The following TIAM2 variants were observed in gnomAD, a reference collection of about 807,000 sequenced individuals.
TIAM2 encodes the protein rho guanine nucleotide exchange factor TIAM2.
Under a neutral mutation model 152.9 loss-of-function variants are expected in TIAM2, and 80 were observed. The ratio of observed to expected loss-of-function variants is 0.52; its 90% CI spans 0.44 to 0.63. The LOEUF is 0.63. TIAM2 is among the 30% of genes least tolerant of loss of function. The pLI is 0.00. For missense variants in TIAM2, 1,965 were observed against 2,120.1 expected, an observed-to-expected ratio of 0.93 and a Z score of 1.44; for synonymous variants, 804 against 838.0, an observed-to-expected ratio of 0.96 and a Z score of 0.70.
Position 155,257,377 on chromosome 6 carries a change from C to A in TIAM2, c.*256C>A, listed in dbSNP as rs1784129538. ...GAGCAGGTATCAAATGATTTAGGAT[C>A]CTTAAAATTACATTCTAATAATTAA... On this transcript the variant is annotated 3_prime_UTR_variant, in exon 27 of 27. Transcript: ENST00000682666. 2.3e-6 allele frequency: 1 copy of A among 438,740 alleles called. No individual in the cohort carries two copies. Among genetic ancestry groups the A allele is most frequent in the Non-Finnish European group, 4.0e-6 (1 of 249,900 alleles). The allele number at this position is 438,740 out of a possible 1,614,324, so 27.2% of individuals were successfully genotyped here.
intron 19 of TIAM2, among the ~76,000 whole-genome samples, chr6:155,247,619 C>T (rs866165539): frequency 2.0e-5 from 3 of 152,252 alleles, no homozygotes; most frequent in South Asian, 2.1e-4. Context: ...TGAGCCACCG[C>T]ACCTGGCCAC....
At chr6:155,157,395 G>A (rs763220989) in intron 7 of TIAM2, among the ~76,000 whole-genome samples, 7 of 151,566 alleles carry the variant, frequency 4.6e-5, no homozygotes, top group Non-Finnish European at 8.8e-5. Flanking sequence ...TATAGCACCC[G>A]TTTGTTGGAT....
chr6:155,191,449 A>T (rs1171958517), intron 14 of TIAM2, among the ~76,000 whole-genome samples: 1 of 152,172 alleles, frequency 6.6e-6, no homozygotes, highest in Non-Finnish European at 1.5e-5. Flanking sequence ...TCCAGAGGTC[A>T]TCATTGTTCT....
chr6:155,232,369 G>A (rs1782515374), intron 15 of TIAM2, among the ~76,000 whole-genome samples: 1 of 152,176 alleles, frequency 6.6e-6, no homozygotes, highest in East Asian at 1.9e-4. Flanking sequence ...TTATTTAGTA[G>A]TGCAGCCTCC....
At chr6:155,146,242 A>T (rs1410259293) in intron 6 of TIAM2, among the ~76,000 whole-genome samples, 1 of 152,092 alleles carries the variant, frequency 6.6e-6, no homozygotes, top group African/African-American at 2.4e-5. Context: ...TTAGCCAGGC[A>T]TGGTGGTGCG....
At chr6:155,149,307 T>C (rs938745705) in intron 7 of TIAM2, 2 of 167,132 alleles carry the variant, frequency 1.2e-5, no homozygotes, top group Non-Finnish European at 2.9e-5. Context: ...ATCCGGGTGA[T>C]TCACTATAGA....
intron 14 of TIAM2, among the ~76,000 whole-genome samples, chr6:155,187,757 T>C (rs1239470137): frequency 6.6e-6 from 1 of 151,918 alleles, no homozygotes; most frequent in Non-Finnish European, 1.5e-5. Flanking sequence ...TTTGTTTTTT[T>C]AGTAGAGACA....
rs1251632420 is a variant in TIAM2, at chr6:155,183,410, T to C, written c.2974T>C (p.Ser992Pro). The change falls in exon 14 of 27, where the codon TCC becomes CCC. Residue 992 changes from serine to proline, a missense_variant. Physicochemically the swap from Ser to Pro is moderately conservative, Grantham distance 74. This residue lies in a region of TIAM2 where 935 missense variants were observed against 980.0 expected (regional missense o/e 0.95). Coordinates refer to ENST00000682666, the MANE Select transcript of TIAM2 (RefSeq NM_012454.4). ...ATCCTGGTCAGACAGTGACCTGTTCTCCAGGGACCAGAAGAGTCTGCTGCC... is the reference window on the plus strand; with the variant it reads ...ATCCTGGTCAGACAGTGACCTGTTCCCCAGGGACCAGAAGAGTCTGCTGCC... Reference protein sequence around the residue: ...CTSWSDSDLFSRDQKSLLPPP... With the variant: ...CTSWSDSDLFPRDQKSLLPPP... 2 of 1,614,052 alleles carry C rather than the reference T, an allele frequency of 1.2e-6. No homozygotes were observed. The highest frequency in any genetic ancestry group is 1.3e-5 in the African/African-American group (1 of 74,932).
chr6:155,029,904 C>A (rs1048982955), intron 1 of TIAM2, among the ~76,000 whole-genome samples: 2 of 151,626 alleles, frequency 1.3e-5, no homozygotes, highest in African/African-American at 4.8e-5. Context: ...GCCATCCTCC[C>A]GTCTCAGCCT....
At chr6:155,104,050 C>CCCCCCCCCCCCACACA (rs1778617598) in intron 2 of TIAM2, among the ~76,000 whole-genome samples, 1 of 87,546 alleles carries the variant, frequency 1.1e-5, no homozygotes, top group African/African-American at 5.7e-5. Flanking sequence ...ACCCCCCCCC[C>CCCCCCCCCCCCACACA]CACACCCCCA....
At chr6:155,109,011 TCTCA>T (rs1778765066) in intron 2 of TIAM2, among the ~76,000 whole-genome samples, 1 of 152,092 alleles carries the variant, frequency 6.6e-6, no homozygotes, top group Non-Finnish European at 1.5e-5. Flanking sequence ...TGAAACAGAG[TCTCA>T]CTCTGTCGCC....
At chr6:155,122,937 T>C (rs1051280393) in intron 2 of TIAM2, among the ~76,000 whole-genome samples, 9 of 152,198 alleles carry the variant, frequency 5.9e-5, no homozygotes, top group Non-Finnish European at 1.2e-4. Flanking sequence ...TAAAATAGTT[T>C]TTAAACTTGA....
intron 2 of TIAM2, among the ~76,000 whole-genome samples, chr6:155,118,441 T>C (rs1162349362): frequency 9.8e-6 from 1 of 102,140 alleles, no homozygotes; most frequent in African/African-American, 6.0e-5. Context: ...TTTTCTTTTT[T>C]TTTTTTTTTG....
At chr6:155,241,500 T>C (rs1014993288) in intron 16 of TIAM2, among the ~76,000 whole-genome samples, 2 of 152,062 alleles carry the variant, frequency 1.3e-5, no homozygotes, top group African/African-American at 4.8e-5. Context: ...AGACACTCGG[T>C]CCCCCTTCTC....
At chr6:155,105,012 A>G (rs1352188121) in intron 2 of TIAM2, among the ~76,000 whole-genome samples, 1 of 152,132 alleles carries the variant, frequency 6.6e-6, no homozygotes, top group Non-Finnish European at 1.5e-5. Flanking sequence ...GCTGGAGTGC[A>G]GTGGTGCAGT....
intron 2 of TIAM2, among the ~76,000 whole-genome samples, chr6:155,101,371 T>C (rs1230069091): frequency 6.6e-6 from 1 of 152,236 alleles, no homozygotes; most frequent in Non-Finnish European, 1.5e-5. Flanking sequence ...GGAAGCCCTC[T>C]TCAGCACATG....
chr6:155,042,508 A>G (rs2114908385), intron 1 of TIAM2, among the ~76,000 whole-genome samples: 1 of 152,232 alleles, frequency 6.6e-6, no homozygotes, highest in East Asian at 1.9e-4. Context: ...CCAGAGAATC[A>G]ATCACTTGAA....
At chr6:155,134,149 T>TGG (rs1562327526) in intron 4 of TIAM2, among the ~76,000 whole-genome samples, 2 of 150,424 alleles carry the variant, frequency 1.3e-5, no homozygotes, top group Admixed American at 6.7e-5. Flanking sequence ...ATCGTATGAT[T>TGG]TGTGTGTGTG....
intron 1 of TIAM2, among the ~76,000 whole-genome samples, chr6:155,033,140 C>T (rs1486217480): frequency 6.6e-6 from 1 of 152,300 alleles, no homozygotes; most frequent in East Asian, 1.9e-4. Flanking sequence ...GGTTAGTACA[C>T]CTGGATGTCA....
Sources: gnomAD v4.1 joint callset for allele counts (sites outside exome capture counted in the v4.1 genomes callset) on GRCh38, gnomAD v4.1.1 for gene constraint, gnomAD v4.1.1 regional missense constraint, MANE v1.5 for transcripts, NCBI Gene and HGNC (gene_info 2026-07-23, HGNC 2026-07-21) for gene names.